KDM4C: variants seen among roughly 807,000 people sequenced by gnomAD.
The protein encoded by KDM4C is lysine-specific demethylase 4C.
Under a neutral mutation model 129.3 loss-of-function variants are expected in KDM4C, and 81 were observed. That is an observed-to-expected ratio of 0.63 (90% confidence interval 0.52 to 0.75). The LOEUF (loss-of-function observed/expected upper bound fraction) is 0.75, where lower values mean the gene tolerates loss of function less well. Ranked by LOEUF, KDM4C falls within the 30% of genes least tolerant of loss-of-function variation. The pLI, the probability that KDM4C is intolerant of heterozygous loss-of-function variation, is 0.00. For missense variants in KDM4C, 1,457 were observed against 1,304.0 expected (o/e 1.12, Z -1.81); for synonymous variants, 573 against 456.1 (o/e 1.26, Z -3.26).
At chr9:6,779,511 G>A (rs951850349) in intron 1 of KDM4C, among the ~76,000 whole-genome samples, 3 of 152,144 alleles carry the variant, frequency 2.0e-5, no homozygotes. Flanking sequence ...AGGTTCCACA[G>A]CAACTTCCTG....
In KDM4C at chr9:6,910,788, A is replaced by C. The variant is rs113667397; in HGVS notation, c.921+17556A>C. On this transcript the variant is annotated intron_variant, in intron 8 of 21. Transcript: ENST00000381309. ...GATAGTCTTCACAGTGTTGATTGTG[A>C]AACTGAAAAAATTGATAGCAAGTAA... Among the ~76,000 whole-genome samples the C allele has an allele frequency of 6.3e-3, 953 of 152,320 alleles. 12 individuals carry two copies. The highest frequency in any genetic ancestry group is 0.022 in the African/African-American group (904 of 41,572).
intron 1 of KDM4C, among the ~76,000 whole-genome samples, chr9:6,781,381 T>G (rs1240494307): frequency 6.7e-6 from 1 of 150,012 alleles, no homozygotes; most frequent in African/African-American, 2.4e-5. Context: ...TCTTGTTTTT[T>G]GTGTTTTTTT....
chr9:7,109,913 C>T (rs766637422), intron 18 of KDM4C, among the ~76,000 whole-genome samples: 12 of 152,170 alleles, frequency 7.9e-5, no homozygotes, highest in Non-Finnish European at 1.5e-4. Context: ...GGCAGTTTGT[C>T]TCACAAGATC....
At chr9:6,863,180 A>C (rs1055331976) in intron 5 of KDM4C, among the ~76,000 whole-genome samples, 1 of 150,770 alleles carries the variant, frequency 6.6e-6, no homozygotes, top group African/African-American at 2.4e-5. Flanking sequence ...CCCCCACCCC[A>C]TGTTTTGATT....
intron 15 of KDM4C, among the ~76,000 whole-genome samples, chr9:7,029,092 C>T (rs572846340): frequency 2.0e-5 from 3 of 152,218 alleles, no homozygotes; most frequent in South Asian, 4.2e-4. Flanking sequence ...GGGGATGATT[C>T]GTGGAGCCTT....
chr9:7,123,467 C>T (rs920150765), intron 18 of KDM4C, among the ~76,000 whole-genome samples: 1 of 152,176 alleles, frequency 6.6e-6, no homozygotes, highest in African/African-American at 2.4e-5. Context: ...CTTTTCTGGA[C>T]AGGAGCAGAT....
intron 4 of KDM4C, among the ~76,000 whole-genome samples, chr9:6,820,080 A>G (rs1351930608): frequency 6.6e-6 from 1 of 152,144 alleles, no homozygotes. Context: ...AATTTGTGCA[A>G]GGTGCAAAGA....
chr9:6,844,516 GTGTT>G (rs1206216178), intron 4 of KDM4C, among the ~76,000 whole-genome samples: 3 of 152,210 alleles, frequency 2.0e-5, no homozygotes, highest in African/African-American at 7.2e-5. Flanking sequence ...TGATGTAAAT[GTGTT>G]ATACAAACAA....
chr9:7,034,753 A>G (rs1467520574), intron 15 of KDM4C, among the ~76,000 whole-genome samples: 1 of 152,144 alleles, frequency 6.6e-6, no homozygotes, highest in Non-Finnish European at 1.5e-5. Context: ...GAAACTTCAT[A>G]TTGTTCTCCA....
rs1399835899 is a variant in KDM4C at position 6,758,556 on chromosome 9, C to G, written c.-18+353C>G. 7.0e-3 allele frequency among the ~76,000 whole-genome samples: 1 copy of G among 142 alleles called. No individual in the cohort carries two copies. Among genetic ancestry groups the G allele is most frequent in the African/African-American group, 0.1 (1 of 10 alleles). The allele number at this position is 142 out of a possible 152,430, so 0.1% of individuals were successfully genotyped here. On this transcript the variant is annotated intron_variant, in intron 1 of 21. Transcript: ENST00000381309. The surrounding 1 kb of genome is among the most constrained non-coding windows in gnomAD (Gnocchi z 4.6). ...CGGACCTCTTAACGCCGCCAGTCGG[C>G]TGTGGCGGACTCCAGGAAGGCCGGG...
intron 8 of KDM4C, among the ~76,000 whole-genome samples, chr9:6,938,330 C>T (rs1265466809): frequency 1.3e-5 from 2 of 152,118 alleles, no homozygotes; most frequent in Non-Finnish European, 2.9e-5. Flanking sequence ...GGGGATGGCT[C>T]ATGATGACCC....
At chr9:7,083,341 A>C (rs1834750976) in intron 17 of KDM4C, among the ~76,000 whole-genome samples, 1 of 152,226 alleles carries the variant, frequency 6.6e-6, no homozygotes, top group Non-Finnish European at 1.5e-5. Flanking sequence ...ACTTTGGAAC[A>C]TTTTGGACTT....
At chr9:6,880,519 C>T (rs1268626869) in intron 6 of KDM4C, among the ~76,000 whole-genome samples, 1 of 152,036 alleles carries the variant, frequency 6.6e-6, no homozygotes, top group Admixed American at 6.5e-5. Context: ...CTGCCGACGC[C>T]CAGTTCTTCT....
chr9:6,859,831 C>A (rs1267850378), intron 5 of KDM4C, among the ~76,000 whole-genome samples: 1 of 148,066 alleles, frequency 6.8e-6, no homozygotes, highest in African/African-American at 2.5e-5. Flanking sequence ...TGCCACTGCA[C>A]TCCAGCCTGG....
At chr9:6,976,462 A>G (rs117670150) in intron 8 of KDM4C, among the ~76,000 whole-genome samples, 202 of 152,346 alleles carry the variant, frequency 1.3e-3, no homozygotes, top group Non-Finnish European at 2.3e-3. Context: ...TCAGAGGGCA[A>G]TTTGTATTAA....
intron 8 of KDM4C, among the ~76,000 whole-genome samples, chr9:6,952,378 T>C (rs1828306593): frequency 6.7e-6 from 1 of 150,044 alleles, no homozygotes; most frequent in Non-Finnish European, 1.5e-5. Context: ...CAATACTTAC[T>C]GATATGGGAA....
At chr9:6,862,632 A>G (rs1841144199) in intron 5 of KDM4C, among the ~76,000 whole-genome samples, 1 of 152,020 alleles carries the variant, frequency 6.6e-6, no homozygotes, top group African/African-American at 2.4e-5. Context: ...GTGAAACCCC[A>G]TCTCTACTAA....
At chr9:7,161,176 A>G (rs1403057919) in intron 19 of KDM4C, among the ~76,000 whole-genome samples, 3 of 152,180 alleles carry the variant, frequency 2.0e-5, no homozygotes, top group Middle Eastern at 3.4e-3. Context: ...GGTTGCTAAG[A>G]CCTTGAGAAA....
intron 21 of KDM4C, among the ~76,000 whole-genome samples, chr9:7,171,606 T>G (rs7874501): frequency 0.55 from 83,481 of 151,854 alleles, 23,062 homozygotes; most frequent in East Asian, 0.62. Context: ...CTAAGCATCC[T>G]ACCAGCTGAG....
Sources: gnomAD v4.1 joint callset for allele counts (sites outside exome capture counted in the v4.1 genomes callset) on GRCh38, gnomAD v4.1.1 for gene constraint, Gnocchi (gnomAD v3.1) non-coding constraint, MANE v1.5 for transcripts, NCBI Gene and HGNC (gene_info 2026-07-23, HGNC 2026-07-21) for gene names.